Variants in USP13 observed in about 807,000 individuals in gnomAD.
USP13 encodes ubiquitin specific peptidase 13, also known as ubiquitin carboxyl-terminal hydrolase 13.
A neutral mutation model predicts 107.8 loss-of-function variants in USP13; 68 were observed. The observed-to-expected ratio is 0.63, with a 90% CI of 0.52 to 0.77. The LOEUF (loss-of-function observed/expected upper bound fraction) is 0.77, where lower values mean the gene tolerates loss of function less well. Ranked by LOEUF, USP13 falls within the 30% of genes least tolerant of loss-of-function variation. USP13 has a pLI of 0.00. For missense variants in USP13, 945 were observed against 1,093.3 expected, an observed-to-expected ratio of 0.86 and a Z score of 1.91; for synonymous variants, 377 against 389.5, an observed-to-expected ratio of 0.97 and a Z score of 0.38.
chr3:179,705,090 A>G (rs1576938955), intron 4 of USP13, among the ~76,000 whole-genome samples: 1 of 152,112 alleles, frequency 6.6e-6, no homozygotes, highest in Admixed American at 6.5e-5. Context: ...TGGAGTGGAC[A>G]TGAGGCCCAT....
Position 179,654,201 on chromosome 3 carries a change from G to A in USP13, c.168+808G>A, listed in dbSNP as rs542208674. 1.7e-3 allele frequency among the ~76,000 whole-genome samples: 197 copies of A among 118,214 alleles called. 1 individual carries two copies. The highest frequency in any genetic ancestry group is 6.4e-3 in the African/African-American group (188 of 29,530). The allele number at this position is 118,214 out of a possible 152,430, so 77.6% of individuals were successfully genotyped here. A position where few individuals can be genotyped will look rare whatever the true frequency, so the allele number is the denominator to read the frequency against. ...TGCCCTCCAGCCTGGGCGACAGAGC[G>A]AGACTCCGTCTCAAAAAAAAAAAAA... On this transcript the variant is annotated intron_variant, in intron 1 of 20. Transcript: ENST00000263966.
At chr3:179,734,311 AT>A (rs1297190257) in intron 10 of USP13, among the ~76,000 whole-genome samples, 4 of 152,176 alleles carry the variant, frequency 2.6e-5, no homozygotes, top group African/African-American at 7.2e-5. Flanking sequence ...ATAAAAGGGC[AT>A]TTTTTTCTTC....
At chr3:179,734,590 C>T (rs1244654020) in intron 10 of USP13, among the ~76,000 whole-genome samples, 1 of 152,174 alleles carries the variant, frequency 6.6e-6, no homozygotes, top group Non-Finnish European at 1.5e-5. Flanking sequence ...AACATAAGAG[C>T]TTTGTTTCCC....
chr3:179,777,921 G>A (rs1460700386), intron 19 of USP13, among the ~76,000 whole-genome samples: 2 of 152,158 alleles, frequency 1.3e-5, no homozygotes, highest in East Asian at 3.8e-4. Flanking sequence ...TCCCTTTCTT[G>A]CTTACATAGG....
In USP13 at chr3:179,730,184, T is replaced by C; in HGVS notation, c.1089-5T>C. 1.2e-6 allele frequency: 2 copies of C among 1,610,556 alleles called. No individual in the cohort carries two copies. Among genetic ancestry groups the C allele is most frequent in the Non-Finnish European group, 1.7e-6 (2 of 1,178,878 alleles). On this transcript the variant is annotated splice_region_variant and splice_polypyrimidine_tract_variant and intron_variant, in intron 8 of 20. Transcript: ENST00000263966. The stretch of plus-strand genomic sequence containing the variant: ...ATGTTTTAACTATTGCCTCTCATTT[T>C]CTAGGTATGTAGGAAACCTTCCCAG...
intron 2 of USP13, among the ~76,000 whole-genome samples, chr3:179,687,881 G>T (rs1282764443): frequency 6.6e-6 from 1 of 151,884 alleles, no homozygotes; most frequent in Admixed American, 6.6e-5. Context: ...ATTATAAGGT[G>T]CTCATGATCT....
chr3:179,777,730 C>T (rs565174236), intron 19 of USP13, among the ~76,000 whole-genome samples: 27 of 151,926 alleles, frequency 1.8e-4, no homozygotes, highest in African/African-American at 5.8e-4. Context: ...AGATTACAGG[C>T]GTTTGCCACC....
chr3:179,657,986 G>A (rs976284299), intron 1 of USP13, among the ~76,000 whole-genome samples: 18 of 152,152 alleles, frequency 1.2e-4, no homozygotes, highest in African/African-American at 4.3e-4. Flanking sequence ...ACTTTGTCCT[G>A]TGTCTCTTCA....
chr3:179,729,851 A>C (rs1713735022), intron 8 of USP13, among the ~76,000 whole-genome samples: 1 of 152,184 alleles, frequency 6.6e-6, no homozygotes, highest in Non-Finnish European at 1.5e-5. Context: ...TGTTAGAATC[A>C]CTCAGGGAAC....
chr3:179,734,407 C>T (rs1713913809), intron 10 of USP13, among the ~76,000 whole-genome samples: 1 of 152,194 alleles, frequency 6.6e-6, no homozygotes, highest in South Asian at 2.1e-4. Context: ...ATTTCTTCCT[C>T]CAAAGATAAC....
intron 8 of USP13, among the ~76,000 whole-genome samples, chr3:179,727,483 G>C (rs1196453171): frequency 3.6e-5 from 4 of 112,370 alleles, no homozygotes; most frequent in Non-Finnish European, 1.9e-5. Context: ...AGGGTTGGGG[G>C]TAAGGTCACA....
rs962939118 is a variant in USP13, at chr3:179,765,918, C to A, written c.2413+70C>A. On this transcript the variant is annotated intron_variant, in intron 19 of 20. Transcript: ENST00000263966. ...GTTCAGCTCATGCCCTTCCCTCCCA[C>A]CACAACATAGTCAAGCCTTTGCCAT... 4.1e-5 allele frequency: 62 copies of A among 1,508,094 alleles called. 1 individual carries two copies. The highest frequency in any genetic ancestry group is 1.7e-4 in the Middle Eastern group (1 of 5,718). 93.4% of individuals were successfully genotyped at this position (1,508,094 alleles called of 1,614,324 possible).
At chr3:179,689,606 C>T (rs1297986865) in intron 2 of USP13, among the ~76,000 whole-genome samples, 7 of 150,950 alleles carry the variant, frequency 4.6e-5, no homozygotes, top group Non-Finnish European at 7.4e-5. Context: ...TGCTGTGAGC[C>T]GAGACTGCGC....
At chr3:179,713,814 C>T (rs775215076) in intron 6 of USP13, among the ~76,000 whole-genome samples, 1 of 152,148 alleles carries the variant, frequency 6.6e-6, no homozygotes, top group African/African-American at 2.4e-5. Flanking sequence ...GTGATCTGAT[C>T]ATCCTGATTT....
intron 13 of USP13, among the ~76,000 whole-genome samples, 198 bp from the exon 14 acceptor site, chr3:179,752,087 C>A (rs544658163): frequency 1.3e-5 from 2 of 152,190 alleles, no homozygotes; most frequent in African/African-American, 4.8e-5. Context: ...ACATTTTCTT[C>A]TTGTGAAGAG....
intron 13 of USP13, among the ~76,000 whole-genome samples, chr3:179,750,886 G>A (rs759156133): frequency 1.3e-5 from 2 of 152,208 alleles, no homozygotes; most frequent in East Asian, 3.9e-4. Context: ...CATCCACATC[G>A]TTTGACTGTT....
At chr3:179,738,510 G>T (rs1327878510) in intron 10 of USP13, among the ~76,000 whole-genome samples, 2 of 152,178 alleles carry the variant, frequency 1.3e-5, no homozygotes, top group African/African-American at 4.8e-5. Context: ...TCAGCTTCCC[G>T]AGTGAAGATA....
At chr3:179,701,162 C>T (rs370980401) in intron 4 of USP13, 33 bp downstream of exon 4, 320 of 1,336,858 alleles carry the variant, frequency 2.4e-4, no homozygotes, top group Non-Finnish European at 2.9e-4. Flanking sequence ...TAGCTAGATG[C>T]GCATGGCTCT....
chr3:179,730,472 C>A lies in USP13; in HGVS notation c.1161-144C>A, dbSNP rs969669208. On this transcript the variant is annotated intron_variant, in intron 9 of 20. Coordinates refer to ENST00000263966, the MANE Select transcript of USP13 (RefSeq NM_003940.3). ...AACTGGTATCAGTATGAAGCAGAATCAAATAAATAAGTTATTTGTGTGTAA... is the reference window on the plus strand; with the variant it reads ...AACTGGTATCAGTATGAAGCAGAATAAAATAAATAAGTTATTTGTGTGTAA... The A allele has an allele frequency of 3.8e-5, 32 of 848,342 alleles. No individual in the cohort carries two copies. In the South Asian group the frequency reaches 5.7e-4, roughly 15 times the overall value. 52.6% of individuals were successfully genotyped at this position (848,342 alleles called of 1,614,324 possible).
Sources: allele counts gnomAD v4.1 joint callset (sites outside exome capture counted in the v4.1 genomes callset), GRCh38; gene constraint gnomAD v4.1.1; transcripts MANE v1.5; gene names NCBI Gene and HGNC (gene_info 2026-07-23, HGNC 2026-07-21).